The following XKRX variants were observed in gnomAD, a reference collection of about 807,000 sequenced individuals.
The protein encoded by XKRX is XK related X-linked.
XKRX carries 11 observed loss-of-function variants against 22.4 expected under a neutral mutation model. That is an observed-to-expected ratio of 0.49 (90% CI 0.31 to 0.81). The LOEUF (loss-of-function observed/expected upper bound fraction) is 0.81. XKRX is among the 40% of genes least tolerant of loss of function. The pLI is 0.05. For missense variants in XKRX, 320 were observed against 336.5 expected (o/e 0.95, Z 0.38); for synonymous variants, 114 against 132.2 (o/e 0.86, Z 0.94).
chrX:100,941,471 C>A, the XKRX span, among the ~76,000 whole-genome samples: 2 of 111,592 alleles, frequency 1.8e-5, no homozygotes, highest in Non-Finnish European at 3.8e-5. Flanking sequence ...ATCGTTTGAA[C>A]CCAGGAGGCA....
chrX:100,956,684 T>C, the XKRX span: 1 of 553,300 alleles, frequency 1.8e-6, no homozygotes. Flanking sequence ...GGACCTCTCA[T>C]GAAAGTGAAG....
At chrX:100,949,379 TGAG>T in the XKRX span, among the ~76,000 whole-genome samples, 110 of 97,560 alleles carry the variant, frequency 1.1e-3, no homozygotes, top group Non-Finnish European at 1.5e-3. Flanking sequence ...TTTTTTTTTT[TGAG>T]AGAGACGGAG....
In XKRX at chrX:100,914,379, C is replaced by T. The variant is rs1403646692; in HGVS notation, c.1309G>A (p.Glu437Lys). The change falls in exon 3 of 3, where the codon GAG becomes AAG. Residue 437 changes from glutamate (E) to lysine (K), a missense_variant. Coordinates refer to ENST00000372956, the MANE Select transcript of XKRX (RefSeq NM_212559.3). ...CTTGCTTCAGTCTCAAAGGGTGGCT[C>T]TGAGTTCTCAACCCTGGTCCGAGGG... ...QHPRTRVENSEPPFETEARQS... is the reference protein window; with the variant it reads ...QHPRTRVENSKPPFETEARQS... The T allele has an allele frequency of 2.5e-6, 3 of 1,211,896 alleles. No individual in the cohort carries two copies. The Admixed American group carries it at 6.5e-5, about 26-fold the overall frequency.
intron 1 of XKRX, among the ~76,000 whole-genome samples, chrX:100,927,315 G>T (rs775568299): frequency 3.9e-4 from 43 of 110,686 alleles, no homozygotes; most frequent in Middle Eastern, 9.3e-3. Flanking sequence ...GAGTAGCTGG[G>T]ATTACAGATA....
chrX:100,901,723 G>C, the XKRX span, among the ~76,000 whole-genome samples: 964 of 112,018 alleles, frequency 8.6e-3, 10 homozygotes, highest in African/African-American at 0.03. Context: ...TTTGAGGCTG[G>C]GCATGACGGC....
At chrX:100,909,603 G>A (rs896678947), downstream of XKRX, among the ~76,000 whole-genome samples, 3 of 111,621 alleles carry the variant, frequency 2.7e-5, no homozygotes, top group South Asian at 3.8e-4. Flanking sequence ...TGTGAGGATC[G>A]AATGAAATAA....
chrX:100,916,916 C>T (rs1432495653), intron 2 of XKRX, among the ~76,000 whole-genome samples: 2 of 112,014 alleles, frequency 1.8e-5, no homozygotes, highest in Middle Eastern at 4.6e-3. Context: ...GTCAGGAGTT[C>T]GAGACCAGCC....
At chrX:100,949,194 C>T in the XKRX span, among the ~76,000 whole-genome samples, 2 of 111,451 alleles carry the variant, frequency 1.8e-5, no homozygotes, top group African/African-American at 3.3e-5. Flanking sequence ...GGGAACTAAA[C>T]TTTCACTTCC....
the XKRX span, among the ~76,000 whole-genome samples, chrX:100,950,679 A>T: frequency 8.9e-6 from 1 of 112,424 alleles, no homozygotes; most frequent in African/African-American, 3.2e-5. Context: ...ATGTTAAAAG[A>T]ACTAAAGCCA....
chrX:100,933,084 C>T (rs942910017), upstream of XKRX, among the ~76,000 whole-genome samples: 5 of 108,801 alleles, frequency 4.6e-5, no homozygotes, highest in East Asian at 2.9e-4. Flanking sequence ...TGGGGAGGAT[C>T]GCTTGAGCCC....
intron 2 of XKRX, 137 bp downstream of exon 2, chrX:100,922,656 G>T: frequency 4.6e-6 from 3 of 647,249 alleles, no homozygotes; most frequent in Non-Finnish European, 4.5e-6. Flanking sequence ...TAGTATTAAT[G>T]AACAAGTTTT....
chrX:100,890,392 G>A, the XKRX span, among the ~76,000 whole-genome samples: 1 of 109,830 alleles, frequency 9.1e-6, no homozygotes, highest in African/African-American at 3.3e-5. Flanking sequence ...TCCTTGTAAA[G>A]TGGGTCAAGT....
chrX:100,915,007 C>G lies in XKRX; in HGVS notation c.681G>C (p.Lys227Asn). 3 of 1,211,771 alleles carry G rather than the reference C, an allele frequency of 2.5e-6. No homozygotes were observed. Among genetic ancestry groups the G allele is most frequent in the Non-Finnish European group, 3.3e-6 (3 of 895,536 alleles). The change falls in exon 3 of 3, where the codon AAG becomes AAC. Residue 227 changes from lysine to asparagine, a missense_variant. Lys to Asn is a moderately conservative substitution (Grantham distance 94). Transcript: ENST00000372956. ...TLCNMLAIQI[K>N]YDDYKIRLGP... Reference sequence around the variant, plus strand: ...CAAGGCGAATCTTGTAGTCATCGTACTTGATCTGGATAGCCAACATATTGC... The same window carrying G: ...CAAGGCGAATCTTGTAGTCATCGTAGTTGATCTGGATAGCCAACATATTGC...
the XKRX span, among the ~76,000 whole-genome samples, chrX:100,901,999 G>GA: frequency 0.17 from 14,667 of 84,499 alleles, 1,029 homozygotes; most frequent in Middle Eastern, 0.22. Flanking sequence ...AACTCCATCT[G>GA]AAAAAAAAAA....
At chrX:100,940,543 C>T in the XKRX span, among the ~76,000 whole-genome samples, 7 of 111,665 alleles carry the variant, frequency 6.3e-5, no homozygotes, top group Non-Finnish European at 1.3e-4. Context: ...CCTACACTGT[C>T]CCACCCTATT....
At chrX:100,913,340 G>A (rs1015586993), downstream of XKRX, 1 of 108,624 alleles carries the variant, frequency 9.2e-6, no homozygotes, top group African/African-American at 3.4e-5. Flanking sequence ...ACATGAAGGT[G>A]ATGTCTCAGC....
At chrX:100,904,228 G>A in the XKRX span, among the ~76,000 whole-genome samples, 6 of 111,552 alleles carry the variant, frequency 5.4e-5, no homozygotes, top group Non-Finnish European at 1.1e-4. Flanking sequence ...ATACCATGGA[G>A]CAAAGATGGT....
chrX:100,936,896 T>C, the XKRX span, among the ~76,000 whole-genome samples: 4 of 106,557 alleles, frequency 3.8e-5, no homozygotes, highest in African/African-American at 1.4e-4. Context: ...GAAATTACAA[T>C]TCGAGATAAG....
At chrX:100,904,319 A>G in the XKRX span, among the ~76,000 whole-genome samples, 20 of 111,897 alleles carry the variant, frequency 1.8e-4, no homozygotes, top group Non-Finnish European at 3.0e-4. Context: ...CAAAAAAAAC[A>G]CCCAGACCTT....
Sources: gnomAD v4.1 joint callset for allele counts (sites outside exome capture counted in the v4.1 genomes callset) on GRCh38, gnomAD v4.1.1 for gene constraint, MANE v1.5 for transcripts, NCBI Gene and HGNC (gene_info 2026-07-23, HGNC 2026-07-21) for gene names.